The following SLC38A4 variants were observed in gnomAD, a reference collection of about 807,000 sequenced individuals.
SLC38A4 encodes the protein sodium-coupled neutral amino acid transporter 4.
A neutral mutation model predicts 63.1 loss-of-function variants in SLC38A4; 20 were observed. That is an observed-to-expected ratio of 0.32 (90% CI 0.22 to 0.46). SLC38A4 has a LOEUF of 0.46. Ranked by LOEUF, SLC38A4 falls within the 20% of genes least tolerant of loss-of-function variation. The pLI is 1.00. For synonymous variants in SLC38A4, 230 were observed against 225.5 expected (o/e 1.02, Z -0.18); for missense variants, 526 against 663.6 (o/e 0.79, Z 2.28).
chr12:46,790,231 A>G (rs1938856637), intron 3 of SLC38A4, among the ~76,000 whole-genome samples: 1 of 152,212 alleles, frequency 6.6e-6, no homozygotes, highest in Non-Finnish European at 1.5e-5. Context: ...AATAGAAAAC[A>G]GTATGAGATG....
At chr12:46,782,207 A>G (rs962797644) in intron 7 of SLC38A4, among the ~76,000 whole-genome samples, 3 of 152,058 alleles carry the variant, frequency 2.0e-5, no homozygotes. Context: ...GAAATCCTTG[A>G]TAACTCCAGT....
chr12:46,805,177 CT>C (rs1408740694), intron 1 of SLC38A4, among the ~76,000 whole-genome samples: 3 of 151,838 alleles, frequency 2.0e-5, no homozygotes, highest in Non-Finnish European at 4.4e-5. Flanking sequence ...TAAGCTTTGG[CT>C]TTGTTGTAAT....
chr12:46,831,151 G>T (rs1371654940), intron 1 of SLC38A4, among the ~76,000 whole-genome samples: 1 of 152,142 alleles, frequency 6.6e-6, no homozygotes, highest in Non-Finnish European at 1.5e-5. Context: ...CCCACAACCG[G>T]CACCTGCCCT....
At chr12:46,827,897 A>G (rs1284348186), upstream of SLC38A4, among the ~76,000 whole-genome samples, 3 of 152,140 alleles carry the variant, frequency 2.0e-5, no homozygotes, top group Non-Finnish European at 2.9e-5. Flanking sequence ...GCCATAATAA[A>G]ATAATAAAAT....
chr12:46,788,496 C>A, intron 4 of SLC38A4, 32 bp downstream of exon 4: 1 of 1,561,890 alleles, frequency 6.4e-7, no homozygotes, highest in Non-Finnish European at 8.8e-7. Context: ...CCCTCAGTCC[C>A]GTTTATTGCC....
chr12:46,778,592 T>A lies in SLC38A4; in HGVS notation c.902A>T (p.Gln301Leu), dbSNP rs778223463. 1.2e-6 allele frequency: 2 copies of A among 1,613,074 alleles called. No homozygotes were observed. Among genetic ancestry groups the A allele is most frequent in the Non-Finnish European group, 8.5e-7 (1 of 1,179,388 alleles). Residue 301 changes from glutamine to leucine, a missense_variant, in exon 11 of 17, where the codon CAG becomes CTG. By Grantham distance (113) the Gln-to-Leu change is moderately radical. Transcript: ENST00000266579. ...ACTGTCATGAAGAGAGCCCTTGGCC[T>A]GGTTCTCATCCAGCCCTGCAGGATT... Reference protein sequence around the residue: ...HRNPAGLDENQAKGSLHDSGV... With the variant: ...HRNPAGLDENLAKGSLHDSGV...
intron 5 of SLC38A4, among the ~76,000 whole-genome samples, chr12:46,787,009 G>A (rs1339465235): frequency 6.6e-6 from 1 of 152,156 alleles, no homozygotes; most frequent in Non-Finnish European, 1.5e-5. Context: ...CTATATCCTG[G>A]AAAATGCCAG....
At chr12:46,790,795 C>T (rs1422509070) in intron 3 of SLC38A4, among the ~76,000 whole-genome samples, 1 of 152,124 alleles carries the variant, frequency 6.6e-6, no homozygotes, top group African/African-American at 2.4e-5. Context: ...TGATACCAAA[C>T]CCAGCATGTA....
At chr12:46,780,100 T>A (rs1225742998) in intron 7 of SLC38A4, 70 bp from the exon 8 acceptor site, 1 of 1,191,766 alleles carries the variant, frequency 8.4e-7, no homozygotes, top group Non-Finnish European at 1.2e-6. Flanking sequence ...AGTTATGACA[T>A]TTGGGATATG....
intron 10 of SLC38A4, 106 bp from the exon 11 acceptor site, chr12:46,778,882 G>C: frequency 3.1e-6 from 3 of 975,512 alleles, no homozygotes; most frequent in Non-Finnish European, 4.5e-6. Context: ...AGGGAACTCA[G>C]TTAGGGATTC....
At chr12:46,815,775 C>A (rs952213534) in intron 1 of SLC38A4, among the ~76,000 whole-genome samples, 2 of 151,814 alleles carry the variant, frequency 1.3e-5, no homozygotes, top group African/African-American at 4.8e-5. Context: ...AATTCGTAGG[C>A]CTCCAGGCAA....
At chr12:46,788,642 A>C in intron 3 of SLC38A4, 24 bp from the exon 4 acceptor site, 1 of 1,565,318 alleles carries the variant, frequency 6.4e-7, no homozygotes, top group Non-Finnish European at 8.8e-7. Flanking sequence ...CACACAAATA[A>C]GAAAGTGAAA....
upstream of SLC38A4, among the ~76,000 whole-genome samples, chr12:46,828,580 C>T (rs1412229056): frequency 2.0e-5 from 3 of 152,220 alleles, no homozygotes; most frequent in Non-Finnish European, 4.4e-5. Flanking sequence ...TCCTCAGCCT[C>T]CCAAAGAGCT....
At chr12:46,777,032 G>C in intron 12 of SLC38A4, 28 bp from the exon 13 acceptor site, 2 of 1,555,910 alleles carry the variant, frequency 1.3e-6, no homozygotes, top group Non-Finnish European at 1.8e-6. Flanking sequence ...ACCAAGCTTT[G>C]TTTTTTAAAC....
At chr12:46,796,083 T>C (rs1938997209) in intron 2 of SLC38A4, among the ~76,000 whole-genome samples, 1 of 152,178 alleles carries the variant, frequency 6.6e-6, no homozygotes. Context: ...TCTGTTTATG[T>C]TCGATCTGTT....
In SLC38A4 at chr12:46,815,284, TAC is replaced by T. The variant is rs369027203; in HGVS notation, c.-305+10617_-305+10618del. Among the ~76,000 whole-genome samples, 331 of 82,850 alleles carry T rather than the reference TAC, an allele frequency of 4.0e-3. 3 individuals are homozygous for T. The highest frequency in any genetic ancestry group is 0.01 in the South Asian group (19 of 1,810). The allele number at this position is 82,850 out of a possible 152,430, so 54.4% of individuals were successfully genotyped here. A position where few individuals can be genotyped will look rare whatever the true frequency, so the allele number is the denominator to read the frequency against. ...ATATATATATATATATATATATATA[TAC>T]ACACACACACACACACACACACAGA... On this transcript the variant is annotated intron_variant, in intron 1 of 16. Transcript: ENST00000266579.
At chr12:46,787,547 G>A (rs1462800899) in intron 5 of SLC38A4, among the ~76,000 whole-genome samples, 1 of 152,118 alleles carries the variant, frequency 6.6e-6, no homozygotes, top group Non-Finnish European at 1.5e-5. Context: ...CTGTCGCACA[G>A]GGGTACAGGG....
upstream of SLC38A4, among the ~76,000 whole-genome samples, chr12:46,827,748 C>A (rs182859141): frequency 1.1e-3 from 165 of 151,894 alleles, no homozygotes; most frequent in African/African-American, 3.9e-3. Context: ...TAGAATATGC[C>A]CTTGAGAACC....
At chr12:46,806,511 T>G (rs1368336933) in intron 1 of SLC38A4, among the ~76,000 whole-genome samples, 1 of 151,928 alleles carries the variant, frequency 6.6e-6, no homozygotes, top group Non-Finnish European at 1.5e-5. Flanking sequence ...TGTTTGCCTA[T>G]CTGAGAATAA....
Sources: gnomAD v4.1 joint callset for allele counts (sites outside exome capture counted in the v4.1 genomes callset) on GRCh38, gnomAD v4.1.1 for gene constraint, MANE v1.5 for transcripts, NCBI Gene and HGNC (gene_info 2026-07-23, HGNC 2026-07-21) for gene names.